The following F5 variants were observed in gnomAD, a reference collection of about 807,000 sequenced individuals.
The protein encoded by F5 is activated protein c cofactor.
Under a neutral mutation model 216.4 loss-of-function variants are expected in F5, and 138 were observed. The ratio of observed to expected loss-of-function variants is 0.64; its 90% CI spans 0.56 to 0.73. The LOEUF (loss-of-function observed/expected upper bound fraction) is 0.73, where lower values mean the gene tolerates loss of function less well. Among genes scored for constraint, F5 ranks in the 30% least tolerant of loss-of-function variants. The pLI is 0.00. For synonymous variants in F5, 916 were observed against 930.7 expected (o/e 0.98, Z 0.29); for missense variants, 2,403 against 2,674.0 (o/e 0.90, Z 2.24).
intron 7 of F5, among the ~76,000 whole-genome samples, chr1:169,554,192 G>GC (rs1195614646): frequency 4.7e-5 from 4 of 84,748 alleles, no homozygotes; most frequent in African/African-American, 8.0e-5. Flanking sequence ...TTTCTAGGTA[G>GC]CCATATATTA....
chr1:169,578,522 T>A (rs1351107412), intron 2 of F5, among the ~76,000 whole-genome samples: 1 of 152,214 alleles, frequency 6.6e-6, no homozygotes, highest in Non-Finnish European at 1.5e-5. Flanking sequence ...AGCAAAGGGA[T>A]TAAAATTTGC....
Position 169,514,608 on chromosome 1 carries a change from C to T in F5, c.6529-149G>A, listed in dbSNP as rs1335926804. 8.9e-6 allele frequency: 6 copies of T among 673,184 alleles called. No individual in the cohort carries two copies. In the East Asian group the frequency reaches 1.6e-4, roughly 18 times the overall value. 41.7% of individuals were successfully genotyped at this position (673,184 alleles called of 1,614,324 possible). A position where few individuals can be genotyped will look rare whatever the true frequency, so the allele number is the denominator to read the frequency against. Reference sequence around the variant, plus strand: ...GCTCACTGCAGCCTTAAACTCCTCTCAAGTAATCCTCTTGCCTCAGCCTTC... The same window carrying T: ...GCTCACTGCAGCCTTAAACTCCTCTTAAGTAATCCTCTTGCCTCAGCCTTC... On this transcript the variant is annotated intron_variant, in intron 24 of 24. Coordinates refer to ENST00000367797, the MANE Select transcript of F5 (RefSeq NM_000130.5).
rs1219409853 is a variant in F5, at chr1:169,586,296, G to C, written c.91C>G (p.Leu31Val). 1 of 1,614,044 alleles carries C rather than the reference G, an allele frequency of 6.2e-7. No homozygotes were observed. Among genetic ancestry groups the C allele is most frequent in the Non-Finnish European group, 8.5e-7 (1 of 1,180,050 alleles). ...WGSQGTEAAQ[L>V]RQFYVAAQGI... ...TGAGCAGCCACGTAGAACTGCCTTA[G>C]CTGTGCCGCTTCTGTCCCTTGGCTC... Residue 31 changes from leucine to valine, a missense_variant, in exon 1 of 25, where the codon CTA becomes GTA. By Grantham distance (32) the Leu-to-Val change is conservative. Transcript: ENST00000367797.
At chr1:169,559,959 T>C (rs9332565) in intron 4 of F5, among the ~76,000 whole-genome samples, 4,886 of 152,184 alleles carry the variant, frequency 0.032, 261 homozygotes, top group African/African-American at 0.11. Context: ...TGGCTCACTG[T>C]GGTTGTTTGT....
chr1:169,555,830 C>T (rs1272980534), intron 6 of F5, among the ~76,000 whole-genome samples: 1 of 152,000 alleles, frequency 6.6e-6, no homozygotes, highest in East Asian at 1.9e-4. Context: ...ACTCTATCTT[C>T]CACGGATATC....
At chr1:169,552,401 C>G (rs970187762) in intron 8 of F5, among the ~76,000 whole-genome samples, 156 bp downstream of exon 8, 1 of 152,154 alleles carries the variant, frequency 6.6e-6, no homozygotes, top group Non-Finnish European at 1.5e-5. Context: ...ACTGAGTAAG[C>G]TGTAAATAAA....
intron 1 of F5, among the ~76,000 whole-genome samples, chr1:169,585,612 G>A (rs192050051): frequency 3.1e-4 from 47 of 151,598 alleles, no homozygotes; most frequent in Non-Finnish European, 5.6e-4. Context: ...AGGACATGAT[G>A]AACAGAGAGA....
intron 21 of F5, among the ~76,000 whole-genome samples, chr1:169,521,398 C>T (rs1375125553): frequency 6.6e-6 from 1 of 152,140 alleles, no homozygotes; most frequent in African/African-American, 2.4e-5. Flanking sequence ...ACCCAGCCAC[C>T]AAGGAACAAT....
Position 169,556,934 on chromosome 1 carries a change from A to C in F5, c.731-67T>G, listed in dbSNP as rs562422135. On this transcript the variant is annotated intron_variant, in intron 5 of 24. Transcript: ENST00000367797. ...TCAAGTACTCTGTGATCAAACATTC[A>C]CTCACCAAGTGTATTGAGCACCTGC... is the stretch of plus-strand genomic sequence containing the variant. 2,038 of 1,409,988 alleles carry C rather than the reference A, an allele frequency of 1.4e-3. 5 individuals are homozygous for C. The highest frequency in any genetic ancestry group is 6.2e-3 in the Middle Eastern group (26 of 4,178). The allele number at this position is 1,409,988 out of a possible 1,614,324, so 87.3% of individuals were successfully genotyped here. A position where few individuals can be genotyped will look rare whatever the true frequency, so the allele number is the denominator to read the frequency against.
At chr1:169,516,883 C>T (rs1290029884) in intron 23 of F5, among the ~76,000 whole-genome samples, 1 of 152,124 alleles carries the variant, frequency 6.6e-6, no homozygotes, top group Non-Finnish European at 1.5e-5. Context: ...AGCATTTTAT[C>T]TTTGAGGCCC....
At chr1:169,551,061 A>G (rs1660156170) in intron 8 of F5, among the ~76,000 whole-genome samples, 1 of 152,050 alleles carries the variant, frequency 6.6e-6, no homozygotes, top group Admixed American at 6.5e-5. Flanking sequence ...TTCTCTTTTC[A>G]GCTTGGGCCA....
chr1:169,581,505 T>C (rs1216267527), intron 2 of F5, among the ~76,000 whole-genome samples: 1 of 151,960 alleles, frequency 6.6e-6, no homozygotes, highest in Non-Finnish European at 1.5e-5. Context: ...TTGGTTTTGG[T>C]TTAGTCGTTG....
intron 2 of F5, 68 bp from the exon 3 acceptor site, chr1:169,572,411 AAAAC>A (rs2101840103): frequency 6.3e-7 from 1 of 1,579,440 alleles, no homozygotes; most frequent in Non-Finnish European, 8.7e-7. Flanking sequence ...CTAAGCAAGA[AAAAC>A]AAACAGATGA....
At chr1:169,569,572 T>C (rs917820399) in intron 3 of F5, among the ~76,000 whole-genome samples, 2 of 152,102 alleles carry the variant, frequency 1.3e-5, no homozygotes, top group Non-Finnish European at 2.9e-5. Flanking sequence ...TTTCTGAAAA[T>C]TTAACCTCAA....
At chr1:169,526,215 A>C (rs1659446552) in intron 17 of F5, among the ~76,000 whole-genome samples, 198 bp from the exon 18 acceptor site, 1 of 152,180 alleles carries the variant, frequency 6.6e-6, no homozygotes, top group Non-Finnish European at 1.5e-5. Context: ...TAACTAAAAA[A>C]AATTTTAAAT....
At chr1:169,560,440 T>G (rs543234392) in intron 4 of F5, 114 bp downstream of exon 4, 1 of 964,638 alleles carries the variant, frequency 1.0e-6, no homozygotes, top group African/African-American at 1.6e-5. Flanking sequence ...CGTGCCGTCT[T>G]CCTCTGCTTG....
Position 169,586,250 on chromosome 1 carries a change from C to T in F5, c.137G>A (p.Arg46Gln), listed in dbSNP as rs929730407. ...TTACCTTGAGTTTGTGGGCTCAGGT[C>T]GGTAGCTCCAACTGATGCCCTGAGC... ...VAAQGISWSY[R>Q]PEPTNSSLNL... The change falls in exon 1 of 25, where the codon CGA becomes CAA. Residue 46 changes from arginine (R) to glutamine (Q), a missense_variant. Around this residue, in one of 4 missense-constraint regions of F5, gnomAD observed 1,425 missense variants for 1,554.8 expected, o/e 0.92. Coordinates refer to ENST00000367797, the MANE Select transcript of F5 (RefSeq NM_000130.5). 1.1e-5 allele frequency: 17 copies of T among 1,614,054 alleles called. No individual in the cohort carries two copies. Among genetic ancestry groups the T allele is most frequent in the Non-Finnish European group, 5.1e-6 (6 of 1,180,050 alleles).
At chr1:169,574,376 C>T (rs1660795446) in intron 2 of F5, among the ~76,000 whole-genome samples, 2 of 152,190 alleles carry the variant, frequency 1.3e-5, no homozygotes, top group South Asian at 2.1e-4. Flanking sequence ...AACGTGTGCT[C>T]CTTGGTGATC....
chr1:169,546,653 A>T (rs554008319), intron 10 of F5, 61 bp from the exon 11 acceptor site: 3 of 1,475,842 alleles, frequency 2.0e-6, no homozygotes, highest in Non-Finnish European at 2.8e-6. Flanking sequence ...ATGGAACAGA[A>T]TAGAGAACTC....
Sources: gnomAD v4.1 joint callset for allele counts (sites outside exome capture counted in the v4.1 genomes callset) on GRCh38, gnomAD v4.1.1 for gene constraint, gnomAD v4.1.1 regional missense constraint, MANE v1.5 for transcripts, NCBI Gene and HGNC (gene_info 2026-07-23, HGNC 2026-07-21) for gene names.